The following FSIP2 variants were observed in gnomAD, a reference collection of about 807,000 sequenced individuals.
FSIP2 encodes fibrous sheath-interacting protein 2.
A neutral mutation model predicts 510.5 loss-of-function variants in FSIP2; 367 were observed. That is an observed-to-expected ratio of 0.72 (90% confidence interval 0.66 to 0.78). FSIP2 has a LOEUF of 0.78. Among genes scored for constraint, FSIP2 ranks in the 30% least tolerant of loss-of-function variants. FSIP2 has a pLI of 0.00. For missense variants in FSIP2, 7,594 were observed against 7,901.7 expected, an observed-to-expected ratio of 0.96 and a Z score of 1.48; for synonymous variants, 2,601 against 2,732.2, an observed-to-expected ratio of 0.95 and a Z score of 1.50.
intron 6 of FSIP2, 71 bp downstream of exon 6, chr2:185,746,881 A>C: frequency 1.8e-6 from 2 of 1,116,090 alleles, no homozygotes; most frequent in African/African-American, 1.6e-5. Context: ...AATAATTTTA[A>C]CTGTACATTG....
intron 17 of FSIP2, 74 bp downstream of exon 17, chr2:185,809,207 T>G: frequency 6.8e-7 from 1 of 1,470,350 alleles, no homozygotes; most frequent in Admixed American, 2.6e-5. Flanking sequence ...CTTCCTCAAA[T>G]AAGTATATGG....
rs377239551 is a variant in FSIP2, at chr2:185,807,992, T to C, written c.18686T>C (p.Ile6229Thr). Residue 6229 changes from isoleucine to threonine, a missense_variant, in exon 17 of 23, where the codon ATT (isoleucine) becomes ACT (threonine). Ile to Thr is a moderately conservative substitution (Grantham distance 89). Coordinates refer to ENST00000424728, the MANE Select transcript of FSIP2 (RefSeq NM_173651.4). ...CAAGAATTTATCTCCAAAAGTAAGA[T>C]TAAACTTGTACCACCCACCAAGGAA... Reference protein sequence around the residue: ...SVQEFISKSKIKLVPPTKESP... With the variant: ...SVQEFISKSKTKLVPPTKESP... 235 of 1,610,830 alleles carry C rather than the reference T, an allele frequency of 1.5e-4. No homozygotes were observed. Among genetic ancestry groups the C allele is most frequent in the Non-Finnish European group, 1.8e-4 (211 of 1,178,180 alleles).
intron 13 of FSIP2, chr2:185,765,388 T>TA (rs1275757455): frequency 7.2e-5 from 11 of 152,204 alleles, no homozygotes; most frequent in Admixed American, 7.2e-4. Flanking sequence ...CAGCACCATT[T>TA]ATTAAATAGG....
chr2:185,799,731 G>T lies in FSIP2; in HGVS notation c.10425G>T (p.Trp3475Cys). 6.9e-7 allele frequency: 1 copy of T among 1,445,330 alleles called. No homozygotes were observed. The highest frequency in any genetic ancestry group is 9.2e-7 in the Non-Finnish European group (1 of 1,091,808). 89.5% of individuals were successfully genotyped at this position (1,445,330 alleles called of 1,614,324 possible). A position where few individuals can be genotyped will look rare whatever the true frequency, so the allele number is the denominator to read the frequency against. ...FSEEKMSVST[W>C]SRKKYESKQF... is the part of the protein sequence containing the mutation. ...AGGAAAAGATGTCTGTTTCTACATG[G>T]TCAAGGAAAAAATATGAATCAAAAC... is the stretch of plus-strand genomic sequence containing the variant. Residue 3475 changes from tryptophan (W) to cysteine (C), a missense_variant, in exon 17 of 23, where the codon TGG (tryptophan) becomes TGT (cysteine). By Grantham distance (215) the Trp-to-Cys change is radical. Transcript: ENST00000424728.
At position 185,805,558 on chromosome 2, in the gene FSIP2, A is replaced by C; in HGVS notation, c.16252A>C (p.Arg5418=). The C allele has an allele frequency of 6.2e-7, 1 of 1,611,336 alleles. No homozygotes were observed. The highest frequency in any genetic ancestry group is 8.5e-7 in the Non-Finnish European group (1 of 1,178,400). Reference sequence around the variant, plus strand: ...TCTAAATCCAGATAATATCACCCAAAGGGTTCAACACCTACCACAAAACAC... The same window carrying C: ...TCTAAATCCAGATAATATCACCCAACGGGTTCAACACCTACCACAAAACAC... ...SFLNPDNITQ[R]VQHLPQNTFT... is the part of the protein sequence containing the mutation. The change falls in exon 17 of 23, where the codon AGG becomes CGG. Residue 5418 remains arginine, a synonymous_variant. Transcript: ENST00000424728.
At chr2:185,818,507 T>C (rs1479865917) in intron 19 of FSIP2, among the ~76,000 whole-genome samples, 1 of 151,722 alleles carries the variant, frequency 6.6e-6, no homozygotes, top group Non-Finnish European at 1.5e-5. Context: ...CACAAAAATA[T>C]CATATCAAGA....
At position 185,803,875 on chromosome 2, in the gene FSIP2, G is replaced by T; in HGVS notation, c.14569G>T (p.Ala4857Ser). The T allele has an allele frequency of 6.6e-7, 1 of 1,523,586 alleles. No individual in the cohort carries two copies. Among genetic ancestry groups the T allele is most frequent in the Non-Finnish European group, 8.8e-7 (1 of 1,138,660 alleles). The allele number at this position is 1,523,586 out of a possible 1,614,324, so 94.4% of individuals were successfully genotyped here. ...YGNKKQSMIS[A>S]KDIQSMVDSI... ...GAATAAAAAACAGAGTATGATTTCA[G>T]CAAAAGATATCCAGTCTATGGTTGA... The change falls in exon 17 of 23, where the codon GCA becomes TCA. Residue 4857 changes from alanine (A) to serine (S), a missense_variant. Coordinates refer to ENST00000424728, the MANE Select transcript of FSIP2 (RefSeq NM_173651.4).
At chr2:185,824,912 T>C (rs1369353419) in intron 20 of FSIP2, among the ~76,000 whole-genome samples, 2 of 151,900 alleles carry the variant, frequency 1.3e-5, no homozygotes, top group African/African-American at 4.8e-5. Flanking sequence ...CATTTTTCTA[T>C]ATATTTTTTG....
At chr2:185,754,866 G>A (rs1488002256) in intron 8 of FSIP2, among the ~76,000 whole-genome samples, 7 of 151,332 alleles carry the variant, frequency 4.6e-5, no homozygotes, top group Non-Finnish European at 7.4e-5. Flanking sequence ...AGCCAGTTTC[G>A]TTATCTGCAA....
rs1212725425 is a variant in FSIP2, at chr2:185,807,590, A to T, written c.18284A>T (p.Gln6095Leu). ...TCTGTTTATAATAATCTCTTGCCAC[A>T]GTTTGGATCACAAGAGATTATACAA... ...VQSVYNNLLPQFGSQEIIQNC... is the reference protein window; with the variant it reads ...VQSVYNNLLPLFGSQEIIQNC... Residue 6095 changes from glutamine (Q) to leucine (L), a missense_variant, in exon 17 of 23, where the codon CAG becomes CTG. Gln to Leu is a moderately radical substitution (Grantham distance 113). Coordinates refer to ENST00000424728, the MANE Select transcript of FSIP2 (RefSeq NM_173651.4). The T allele has an allele frequency of 1.2e-6, 2 of 1,612,354 alleles. No individual in the cohort carries two copies. Among genetic ancestry groups the T allele is most frequent in the African/African-American group, 1.3e-5 (1 of 74,832 alleles).
At position 185,745,498 on chromosome 2, in the gene FSIP2, CA is replaced by C; in HGVS notation, c.549del (p.Val184SerfsTer6). 6.5e-7 allele frequency: 1 copy of C among 1,534,932 alleles called. No homozygotes were observed. Among genetic ancestry groups the C allele is most frequent in the Non-Finnish European group, 8.7e-7 (1 of 1,145,958 alleles). On this transcript the variant is annotated frameshift_variant, in exon 5 of 23. Transcript: ENST00000424728. LOFTEE classifies it high-confidence loss of function. Reference sequence around the variant, plus strand: ...AATCCCTCAACATTGTGATGTTGCACAAGTCCAAAACTGGTTGTTAAAGGAG... The same window carrying C: ...AATCCCTCAACATTGTGATGTTGCACAGTCCAAAACTGGTTGTTAAAGGAG... ...NQIPQHCDVAQVQNWLLKEGT... is the reference protein window; with the variant it reads ...NQIPQHCDVAXVQNWLLKEGT...
intron 15 of FSIP2, 39 bp downstream of exon 15, chr2:185,786,327 G>C: frequency 7.3e-7 from 1 of 1,371,544 alleles, no homozygotes; most frequent in South Asian, 1.3e-5. Context: ...CAACATATTA[G>C]TCATACTTTC....
chr2:185,788,811 T>A lies in FSIP2; in HGVS notation c.1675T>A (p.Cys559Ser). The A allele has an allele frequency of 6.5e-7, 1 of 1,534,668 alleles. No individual in the cohort carries two copies. Among genetic ancestry groups the A allele is most frequent in the Non-Finnish European group, 8.7e-7 (1 of 1,145,872 alleles). ...SILSSDSSSF[C>S]STCSEDFTYR... ...CCTCTCTTCAGATAGTTCAAGTTTC[T>A]GTAGCACGTGCAGTGAAGACTTTAC... Residue 559 changes from cysteine (C) to serine (S), a missense_variant, in exon 16 of 23, where the codon TGT becomes AGT. Transcript: ENST00000424728.
Position 185,828,170 on chromosome 2 carries a change from C to A in FSIP2, c.20488C>A (p.Gln6830Lys). The part of the protein sequence containing the change: ...AKILEESSQE[Q>K]KPEHGNSVKF... ...AATCTCTACAGAAAGTTCTCAGGAACAAAAGCCAGAGCATGGAAACAGTGT... is the reference window on the plus strand; with the variant it reads ...AATCTCTACAGAAAGTTCTCAGGAAAAAAAGCCAGAGCATGGAAACAGTGT... Residue 6830 changes from glutamine (Q) to lysine (K), a missense_variant, in exon 21 of 23, where the codon CAA becomes AAA. Coordinates refer to ENST00000424728, the MANE Select transcript of FSIP2 (RefSeq NM_173651.4). 5.1e-6 allele frequency: 8 copies of A among 1,573,694 alleles called. No homozygotes were observed. Among genetic ancestry groups the A allele is most frequent in the Non-Finnish European group, 7.0e-6 (8 of 1,146,552 alleles).
rs1693193360 is a variant in FSIP2 at position 185,793,664 on chromosome 2, T to A, written c.6528T>A (p.Asn2176Lys). The A allele has an allele frequency of 6.5e-7, 1 of 1,534,692 alleles. No homozygotes were observed. The highest frequency in any genetic ancestry group is 1.4e-5 in the African/African-American group (1 of 72,904). The change falls in exon 16 of 23, where the codon AAT becomes AAA. Residue 2176 changes from asparagine to lysine, a missense_variant. Transcript: ENST00000424728. The stretch of plus-strand genomic sequence containing the variant: ...GTTCTGCTGCCACGCTTGTCATAAA[T>A]GCAAAGAATCCTACTTCTGCAAGAT... The part of the protein sequence containing the change: ...NLSSAATLVI[N>K]AKNPTSARLP...
rs1423336318 is a variant in FSIP2 at position 185,806,248 on chromosome 2, A to G, written c.16942A>G (p.Arg5648Gly). ...LGTTTDTLEIRIRTSSNEGRR... is the reference protein window; with the variant it reads ...LGTTTDTLEIGIRTSSNEGRR... ...GACTACAACAGATACTTTGGAAATA[A>G]GAATTCGAACATCAAGCAATGAGGG... The change falls in exon 17 of 23, where the codon AGA becomes GGA. Residue 5648 changes from arginine to glycine, a missense_variant. Arg to Gly is a moderately radical substitution (Grantham distance 125). Transcript: ENST00000424728. 6.2e-7 allele frequency: 1 copy of G among 1,610,292 alleles called. No individual in the cohort carries two copies. Among genetic ancestry groups the G allele is most frequent in the South Asian group, 1.1e-5 (1 of 90,752 alleles).
At chr2:185,824,575 GTTTT>G (rs556345127) in intron 20 of FSIP2, 95 bp downstream of exon 20, 185 of 749,168 alleles carry the variant, frequency 2.5e-4, no homozygotes, top group Non-Finnish European at 3.8e-4. Context: ...CAGGTTTTAT[GTTTT>G]CTATGAGTTT....
In FSIP2 at chr2:185,824,599, T is replaced by C. The variant is rs1405508021; in HGVS notation, c.20473+119T>C. The C allele has an allele frequency of 9.1e-6, 6 of 659,618 alleles. 1 individual carries two copies. The highest frequency in any genetic ancestry group is 7.5e-5 in the African/African-American group (4 of 53,598). The allele number at this position is 659,618 out of a possible 1,614,324, so 40.9% of individuals were successfully genotyped here. The stretch of plus-strand genomic sequence containing the variant: ...TGTTTTCTATGAGTTTATCTACTTT[T>C]GAAAATGATCCAGTATTACCTCATT... On this transcript the variant is annotated intron_variant, in intron 20 of 22. Transcript: ENST00000424728.
chr2:185,802,311 C>A lies in FSIP2; in HGVS notation c.13005C>A (p.Thr4335=). The stretch of plus-strand genomic sequence containing the variant: ...CTGAAATTGAGTTGAAAAACATGAC[C>A]CAAAGAATAGTAAACTCCATAAATA... ...HNTEIELKNM[T]QRIVNSINRH... is the part of the protein sequence containing the mutation. The change falls in exon 17 of 23, where the codon ACC becomes ACA. Residue 4335 remains threonine (T), a synonymous_variant. Coordinates refer to ENST00000424728, the MANE Select transcript of FSIP2 (RefSeq NM_173651.4). 3 of 1,533,532 alleles carry A rather than the reference C, an allele frequency of 2.0e-6. No individual in the cohort carries two copies. The highest frequency in any genetic ancestry group is 2.6e-6 in the Non-Finnish European group (3 of 1,145,238). The allele number at this position is 1,533,532 out of a possible 1,614,324, so 95.0% of individuals were successfully genotyped here. A position where few individuals can be genotyped will look rare whatever the true frequency, so the allele number is the denominator to read the frequency against.
Sources: gnomAD v4.1 joint callset for allele counts (sites outside exome capture counted in the v4.1 genomes callset) on GRCh38, gnomAD v4.1.1 for gene constraint, MANE v1.5 for transcripts, NCBI Gene and HGNC (gene_info 2026-07-23, HGNC 2026-07-21) for gene names.